FAM13A: variants seen among roughly 807,000 people sequenced by gnomAD.
FAM13A encodes the protein family with sequence similarity 13 member A.
A neutral mutation model predicts 129.6 loss-of-function variants in FAM13A; 76 were observed. That is an observed-to-expected ratio of 0.59 (90% CI 0.49 to 0.71). The LOEUF (loss-of-function observed/expected upper bound fraction) is 0.71, where lower values mean the gene tolerates loss of function less well. Among genes scored for constraint, FAM13A ranks in the 30% least tolerant of loss-of-function variants. The pLI is 0.00. For missense variants in FAM13A, 1,108 were observed against 1,249.3 expected, an observed-to-expected ratio of 0.89 and a Z score of 1.70; for synonymous variants, 443 against 449.9, an observed-to-expected ratio of 0.98 and a Z score of 0.20.
chr4:88,767,618 A>C (rs2149544791), intron 12 of FAM13A, 23 bp from the exon 13 acceptor site: 5 of 1,549,224 alleles, frequency 3.2e-6, no homozygotes, highest in Non-Finnish European at 4.4e-6. Context: ...GCAACAACAA[A>C]AAAATCATAA....
chr4:88,923,553 C>G (rs1309137690), intron 5 of FAM13A, among the ~76,000 whole-genome samples: 2 of 152,126 alleles, frequency 1.3e-5, no homozygotes, highest in African/African-American at 2.4e-5. Context: ...GGACATATCT[C>G]AAAATAATAA....
chr4:88,780,182 TG>T (rs1409536904), intron 11 of FAM13A, among the ~76,000 whole-genome samples: 3 of 152,040 alleles, frequency 2.0e-5, no homozygotes, highest in Non-Finnish European at 4.4e-5. Context: ...TGAGACATTA[TG>T]GGGGGAAAAA....
At chr4:88,949,761 T>C (rs1756624900) in intron 4 of FAM13A, among the ~76,000 whole-genome samples, 1 of 152,216 alleles carries the variant, frequency 6.6e-6, no homozygotes, top group South Asian at 2.1e-4. Flanking sequence ...TCAAGAATTA[T>C]TGACATTGGT....
intron 11 of FAM13A, among the ~76,000 whole-genome samples, chr4:88,770,818 C>G (rs1383856849): frequency 6.6e-6 from 1 of 152,086 alleles, no homozygotes; most frequent in African/African-American, 2.4e-5. Context: ...TAGCTGATCT[C>G]CAGTGTTAAA....
At chr4:89,045,703 A>G (rs901548580) in intron 1 of FAM13A, among the ~76,000 whole-genome samples, 1 of 152,200 alleles carries the variant, frequency 6.6e-6, no homozygotes, top group Non-Finnish European at 1.5e-5. Flanking sequence ...AGAGTATAAA[A>G]GGCTTACAAA....
At chr4:88,805,778 C>A (rs1728435595) in intron 7 of FAM13A, among the ~76,000 whole-genome samples, 1 of 151,962 alleles carries the variant, frequency 6.6e-6, no homozygotes, top group East Asian at 1.9e-4. Flanking sequence ...AAGTGATCCT[C>A]CCACGTCAGC....
At chr4:89,027,093 T>C (rs1264453471) in intron 2 of FAM13A, among the ~76,000 whole-genome samples, 7 of 152,248 alleles carry the variant, frequency 4.6e-5, no homozygotes, top group Non-Finnish European at 1.0e-4. Flanking sequence ...AGTGGATGCC[T>C]GAAACCTTGG....
chr4:88,901,024 A>G (rs1334684825), intron 6 of FAM13A, among the ~76,000 whole-genome samples: 1 of 152,200 alleles, frequency 6.6e-6, no homozygotes, highest in Non-Finnish European at 1.5e-5. Flanking sequence ...CCTTAAACCA[A>G]CAACAATAAA....
intron 4 of FAM13A, among the ~76,000 whole-genome samples, chr4:88,963,837 T>C (rs959459122): frequency 3.3e-5 from 5 of 152,202 alleles, no homozygotes; most frequent in Admixed American, 2.6e-4. Flanking sequence ...TAAGAGTGTT[T>C]CAAGCTTGCA....
chr4:88,970,370 T>C (rs1219029569), intron 4 of FAM13A, among the ~76,000 whole-genome samples: 1 of 151,900 alleles, frequency 6.6e-6, no homozygotes, highest in African/African-American at 2.4e-5. Flanking sequence ...ATTAAAGGCT[T>C]TGAATGCCAT....
chr4:88,776,208 T>C (rs1048464620), intron 11 of FAM13A, among the ~76,000 whole-genome samples: 3 of 152,308 alleles, frequency 2.0e-5, no homozygotes, highest in East Asian at 3.9e-4. Flanking sequence ...AATCACACAA[T>C]CACTTTTAGC....
intron 5 of FAM13A, among the ~76,000 whole-genome samples, chr4:88,930,562 C>A (rs1427388538): frequency 1.3e-5 from 2 of 152,182 alleles, no homozygotes; most frequent in African/African-American, 2.4e-5. Context: ...AGTATTTGGG[C>A]CCTGGTGGTG....
intron 4 of FAM13A, among the ~76,000 whole-genome samples, chr4:88,987,515 G>A (rs868690763): frequency 6.6e-6 from 1 of 152,106 alleles, no homozygotes; most frequent in African/African-American, 2.4e-5. Flanking sequence ...CTAATCGGAT[G>A]CAACATTAAG....
intron 8 of FAM13A, among the ~76,000 whole-genome samples, chr4:88,795,110 T>C (rs1321026115): frequency 6.6e-5 from 10 of 151,816 alleles, no homozygotes; most frequent in Non-Finnish European, 1.5e-4. Context: ...ATTTAAACTC[T>C]GATAAAAGTT....
intron 1 of FAM13A, among the ~76,000 whole-genome samples, chr4:89,034,717 A>T (rs1289855527): frequency 6.6e-6 from 1 of 152,188 alleles, no homozygotes; most frequent in Non-Finnish European, 1.5e-5. Flanking sequence ...CCCCATCTCT[A>T]CTAAAAATAC....
At chr4:88,788,332 AAG>A (rs1305556575) in intron 9 of FAM13A, among the ~76,000 whole-genome samples, 1 of 152,152 alleles carries the variant, frequency 6.6e-6, no homozygotes, top group East Asian at 1.9e-4. Context: ...TCTACAGAGG[AAG>A]AGAGAGTGAT....
intron 10 of FAM13A, among the ~76,000 whole-genome samples, chr4:88,781,809 G>A (rs970210459): frequency 2.0e-5 from 3 of 151,100 alleles, no homozygotes; most frequent in African/African-American, 7.3e-5. Flanking sequence ...ATGGACACAG[G>A]AAGGGGAACA....
intron 4 of FAM13A, among the ~76,000 whole-genome samples, chr4:88,969,156 T>A (rs143550328): frequency 1.3e-5 from 2 of 152,224 alleles, no homozygotes; most frequent in Non-Finnish European, 2.9e-5. Flanking sequence ...CTAAAGAACT[T>A]ACTCATGTAA....
chr4:89,020,651 A>T lies in FAM13A; in HGVS notation c.236T>A (p.Leu79His). The part of the protein sequence containing the change: ...LTQHGLTQEG[L>H]FRVNGNVKVV... ...CTTCACGTTACCATTCACCCTAAAA[A>T]GACCTTCTTGGGTAAGTCCTGGAAG... Residue 79 changes from leucine to histidine, a missense_variant, in exon 3 of 24, where the codon CTT becomes CAT. Leu to His is a moderately conservative substitution (Grantham distance 99, BLOSUM62 -3). Coordinates refer to ENST00000264344, the MANE Select transcript of FAM13A (RefSeq NM_014883.4). The T allele has an allele frequency of 6.2e-7, 1 of 1,613,954 alleles. No homozygotes were observed. Among genetic ancestry groups the T allele is most frequent in the Non-Finnish European group, 8.5e-7 (1 of 1,179,836 alleles).
Sources: allele counts gnomAD v4.1 joint callset (sites outside exome capture counted in the v4.1 genomes callset), GRCh38; gene constraint gnomAD v4.1.1; transcripts MANE v1.5; gene names NCBI Gene and HGNC (gene_info 2026-07-23, HGNC 2026-07-21).